The following GLT8D2 variants were observed in gnomAD, a reference collection of about 807,000 sequenced individuals.
GLT8D2 encodes the protein glycosyltransferase 8 domain-containing protein 2.
A neutral mutation model predicts 44.5 loss-of-function variants in GLT8D2; 45 were observed. That is an observed-to-expected ratio of 1.01 (90% confidence interval 0.80 to 1.30). The LOEUF is 1.30. Among genes scored for constraint, GLT8D2 ranks in the 50% most tolerant of loss-of-function variants. The probability of loss-of-function intolerance (pLI) is 0.00; values close to 1 mark genes in which losing one functional copy is unlikely to be tolerated. For synonymous variants in GLT8D2, 156 were observed against 157.2 expected (o/e 0.99, Z 0.06); for missense variants, 400 against 430.4 (o/e 0.93, Z 0.62).
At chr12:104,024,338 G>A (rs1419287596) in intron 1 of GLT8D2, among the ~76,000 whole-genome samples, 3 of 152,178 alleles carry the variant, frequency 2.0e-5, no homozygotes, top group African/African-American at 7.2e-5. Context: ...GGAGGCTGAG[G>A]TGGGAGGATT....
chr12:104,003,565 A>C (rs2136301126), intron 4 of GLT8D2, among the ~76,000 whole-genome samples: 1 of 152,296 alleles, frequency 6.6e-6, no homozygotes, highest in East Asian at 1.9e-4. Flanking sequence ...ATGTTGGTTT[A>C]AGTAATGTGT....
intron 1 of GLT8D2, among the ~76,000 whole-genome samples, chr12:104,060,470 T>C (rs1050952981): frequency 2.0e-5 from 3 of 152,218 alleles, no homozygotes; most frequent in South Asian, 2.1e-4. Flanking sequence ...TACTTTGTCA[T>C]AGATTGAATT....
chr12:104,063,767 G>A (rs116207492), intron 1 of GLT8D2, among the ~76,000 whole-genome samples: 6,343 of 151,916 alleles, frequency 0.042, 153 homozygotes, highest in Non-Finnish European at 0.057. Context: ...TCATTTCCCC[G>A]TCCATGAAAG....
intron 5 of GLT8D2, among the ~76,000 whole-genome samples, chr12:104,002,503 A>C (rs1481868179): frequency 6.6e-6 from 1 of 152,120 alleles, no homozygotes; most frequent in Non-Finnish European, 1.5e-5. Flanking sequence ...AAATCTGTCC[A>C]TTTTTCTGGA....
chr12:104,023,943 C>T (rs895088695), intron 1 of GLT8D2, among the ~76,000 whole-genome samples: 4 of 152,184 alleles, frequency 2.6e-5, no homozygotes, highest in African/African-American at 9.7e-5. Flanking sequence ...CACTGAAGGA[C>T]ATTTGGGTTG....
At chr12:104,032,466 CAAAAAAA>C (rs547392677) in intron 1 of GLT8D2, among the ~76,000 whole-genome samples, 11,154 of 59,880 alleles carry the variant, frequency 0.19, 756 homozygotes, top group Middle Eastern at 0.37. Context: ...TGTGCAATAG[CAAAAAAA>C]AAAAAAAAAA....
Position 103,993,410 on chromosome 12 carries a change from A to G in GLT8D2, c.862T>C (p.Trp288Arg), listed in dbSNP as rs770128714. 11 of 1,613,138 alleles carry G rather than the reference A, an allele frequency of 6.8e-6. No homozygotes were observed. In the South Asian group the frequency reaches 1.2e-4, roughly 18 times the overall value. Residue 288 changes from tryptophan (W) to arginine (R), a missense_variant, in exon 10 of 11, where the codon TGG (tryptophan) becomes CGG (arginine). Physicochemically the swap from Trp to Arg is moderately radical, Grantham distance 101. Transcript: ENST00000360814. ...HGKYSTINPL[W>R]HIRHLGWNPD... ...TACTTACCCAGGTGCCTTATGTGCC[A>G]CAGGGGGTTAATTGTGGAATATTTC...
At chr12:104,006,506 T>C (rs1168568457) in intron 4 of GLT8D2, among the ~76,000 whole-genome samples, 1 of 152,062 alleles carries the variant, frequency 6.6e-6, no homozygotes, top group African/African-American at 2.4e-5. Context: ...TCAAACTAAC[T>C]CCTCCCAGAT....
intron 4 of GLT8D2, 44 bp from the exon 5 acceptor site, chr12:104,003,350 AC>A: frequency 6.4e-7 from 1 of 1,570,530 alleles, no homozygotes; most frequent in Non-Finnish European, 8.8e-7. Context: ...AAAGAATTTC[AC>A]AGTAGAGCCA....
chr12:104,053,810 G>C (rs1425979541), upstream of GLT8D2, among the ~76,000 whole-genome samples: 12 of 151,868 alleles, frequency 7.9e-5, no homozygotes, highest in African/African-American at 2.2e-4. Context: ...CTTGAACCCG[G>C]GAGGCGGAGT....
chr12:104,049,889 A>G lies in GLT8D2; in HGVS notation c.-164+6T>C, dbSNP rs1035655399. The G allele has an allele frequency of 6.6e-6, 1 of 152,226 alleles. No homozygotes were observed. Among genetic ancestry groups the G allele is most frequent in the African/African-American group, 2.4e-5 (1 of 41,454 alleles). The allele number at this position is 152,226 out of a possible 1,614,324, so 9.4% of individuals were successfully genotyped here. Reference sequence around the variant, plus strand: ...CTGCACACTGCTCGTAAATTTCTCTATTTACCTGGTGAATGGTGAGGGTAG... The same window carrying G: ...CTGCACACTGCTCGTAAATTTCTCTGTTTACCTGGTGAATGGTGAGGGTAG... On this transcript the variant is annotated splice_donor_region_variant and intron_variant, in intron 1 of 10. Transcript: ENST00000360814.
chr12:104,051,354 A>G (rs148290683), upstream of GLT8D2, among the ~76,000 whole-genome samples: 1 of 152,324 alleles, frequency 6.6e-6, no homozygotes, highest in African/African-American at 2.4e-5. Flanking sequence ...TCTTAATGAT[A>G]TATTTTACTT....
chr12:103,999,264 C>T (rs374368332), intron 6 of GLT8D2, 133 bp downstream of exon 6: 27 of 607,840 alleles, frequency 4.4e-5, no homozygotes, highest in South Asian at 3.1e-4. Context: ...TATACATAAG[C>T]GGAGTTTGGT....
At chr12:104,018,444 C>T (rs1800942059) in intron 3 of GLT8D2, among the ~76,000 whole-genome samples, 1 of 152,154 alleles carries the variant, frequency 6.6e-6, no homozygotes, top group African/African-American at 2.4e-5. Flanking sequence ...CCCAGTTCCT[C>T]CCTGCCTTAA....
At chr12:104,061,028 A>G (rs1882601768) in intron 1 of GLT8D2, among the ~76,000 whole-genome samples, 1 of 152,218 alleles carries the variant, frequency 6.6e-6, no homozygotes, top group African/African-American at 2.4e-5. Context: ...AAGGGCTGCC[A>G]TGGATTGACA....
intron 5 of GLT8D2, among the ~76,000 whole-genome samples, chr12:104,002,181 G>A (rs751227519): frequency 3.3e-5 from 5 of 152,074 alleles, no homozygotes; most frequent in Non-Finnish European, 5.9e-5. Flanking sequence ...GGCTGGTCTC[G>A]AGCCTGATCC....
chr12:104,034,422 G>A (rs1377442576), intron 1 of GLT8D2, among the ~76,000 whole-genome samples: 5 of 152,240 alleles, frequency 3.3e-5, no homozygotes, highest in African/African-American at 7.2e-5. Flanking sequence ...CTGGAAAAAC[G>A]GGACACTCCC....
chr12:103,995,665 C>T (rs1301745753), intron 8 of GLT8D2, among the ~76,000 whole-genome samples: 2 of 152,182 alleles, frequency 1.3e-5, no homozygotes, highest in Non-Finnish European at 1.5e-5. Context: ...ATTACTAGTA[C>T]CTAAAACAGT....
chr12:104,016,755 GA>G (rs1566199533), intron 3 of GLT8D2, among the ~76,000 whole-genome samples: 77 of 100,666 alleles, frequency 7.6e-4, no homozygotes, highest in African/African-American at 1.6e-3. Context: ...AAGAAAGAAA[GA>G]AAGAAAGAAA....
Sources: gnomAD v4.1 joint callset for allele counts (sites outside exome capture counted in the v4.1 genomes callset) on GRCh38, gnomAD v4.1.1 for gene constraint, MANE v1.5 for transcripts, NCBI Gene and HGNC (gene_info 2026-07-23, HGNC 2026-07-21) for gene names.